Variants in AIRIM observed in about 807,000 individuals in gnomAD.
AIRIM encodes AFG2 interacting ribosome maturation factor.
chr1:37,682,977 C>G, the AIRIM span: 9 of 811,520 alleles, frequency 1.1e-5, no homozygotes, highest in Non-Finnish European at 1.8e-5. Flanking sequence ...AGGCGCTAAT[C>G]CTCCCCAAGA....
the AIRIM span, chr1:37,682,960 GA>G: frequency 1.4e-6 from 1 of 700,592 alleles, no homozygotes; most frequent in Non-Finnish European, 2.4e-6. Flanking sequence ...TCCAAAATCA[GA>G]CATCTAGGCG....
chr1:37,691,932 C>A, the AIRIM span: 36,717 of 152,394 alleles, frequency 0.24, 5,238 homozygotes, highest in East Asian at 0.69. Flanking sequence ...GCGCCCCCCC[C>A]AAAGCCTGCA....
the AIRIM span, chr1:37,689,842 C>G: frequency 1.3e-6 from 2 of 1,595,740 alleles, no homozygotes; most frequent in Admixed American, 3.4e-5. Context: ...ACTTCTTCAG[C>G]GCCTCCTGCA....
chr1:37,690,597 T>A, the AIRIM span: 1 of 629,998 alleles, frequency 1.6e-6, no homozygotes, highest in Non-Finnish European at 2.3e-6. Context: ...CGAAAATATA[T>A]CGTAGTGCCG....
chr1:37,689,756 A>C, the AIRIM span: 1 of 1,613,774 alleles, frequency 6.2e-7, no homozygotes, highest in South Asian at 1.1e-5. Flanking sequence ...CAGGTTGCTG[A>C]GGGAGGACAG....
chr1:37,690,224 A>G, the AIRIM span: 4 of 1,260,244 alleles, frequency 3.2e-6, no homozygotes, highest in Non-Finnish European at 4.2e-6. Context: ...ACCTCAGGTG[A>G]TCCGCCCGCC....
chr1:37,690,015 G>GTTTTTTTTTTTT, the AIRIM span: 1 of 1,244,176 alleles, frequency 8.0e-7, no homozygotes, highest in Non-Finnish European at 1.0e-6. Context: ...CAGAAGCAGG[G>GTTTTTTTTTTTT]TTTTTTTTTT....
At chr1:37,687,009 T>G in the AIRIM span, among the ~76,000 whole-genome samples, 2 of 150,982 alleles carry the variant, frequency 1.3e-5, no homozygotes, top group Non-Finnish European at 2.9e-5. Context: ...TGAGCCAAGT[T>G]CGCGTCACTG....
the AIRIM span, chr1:37,683,220 A>G: frequency 3.1e-6 from 5 of 1,605,352 alleles, no homozygotes; most frequent in Non-Finnish European, 4.3e-6. Flanking sequence ...TAAAACACAC[A>G]GAGGCACAGC....
the AIRIM span, chr1:37,690,035 T>C: frequency 8.5e-6 from 12 of 1,419,018 alleles, no homozygotes; most frequent in South Asian, 9.4e-5. Context: ...TGTTTTTTTT[T>C]CGAGACGGAG....
the AIRIM span, among the ~76,000 whole-genome samples, chr1:37,689,324 C>G: frequency 2.0e-5 from 3 of 152,176 alleles, no homozygotes; most frequent in African/African-American, 4.8e-5. Context: ...CCAAAGAAAA[C>G]TATAGGGCAG....
chr1:37,683,404 G>C, the AIRIM span: 1 of 1,613,966 alleles, frequency 6.2e-7, no homozygotes, highest in Non-Finnish European at 8.5e-7. Flanking sequence ...CTCCCCACTG[G>C]ATAGACGAAA....
At chr1:37,686,045 T>C in the AIRIM span, among the ~76,000 whole-genome samples, 1 of 152,172 alleles carries the variant, frequency 6.6e-6, no homozygotes, top group African/African-American at 2.4e-5. Flanking sequence ...AGCATTCTAC[T>C]TGCCTTTTTC....
chr1:37,681,588 T>C, the AIRIM span: 1 of 152,242 alleles, frequency 6.6e-6, no homozygotes, highest in Non-Finnish European at 1.5e-5. Context: ...AAGTTTTATT[T>C]GCAATACTTA....
the AIRIM span, chr1:37,683,636 A>C: frequency 1.8e-6 from 1 of 554,158 alleles, no homozygotes; most frequent in Non-Finnish European, 3.1e-6. Context: ...ACAGGGAAAG[A>C]GGAATGAAAC....
the AIRIM span, chr1:37,690,510 C>G: frequency 8.4e-7 from 1 of 1,192,438 alleles, no homozygotes; most frequent in African/African-American, 1.6e-5. Context: ...GCACCACGCG[C>G]CCACAGTCTC....
At chr1:37,690,470 C>T in the AIRIM span, 1 of 1,257,326 alleles carries the variant, frequency 8.0e-7, no homozygotes, top group Non-Finnish European at 1.0e-6. Context: ...AAAGTCCAGA[C>T]AGCCAAAGCG....
At chr1:37,683,434 G>T in the AIRIM span, 1 of 1,613,428 alleles carries the variant, frequency 6.2e-7, no homozygotes, top group Non-Finnish European at 8.5e-7. Context: ...TTCTCTTCAG[G>T]TACCTTTCTG....
chr1:37,687,352 G>A, the AIRIM span, among the ~76,000 whole-genome samples: 9 of 151,342 alleles, frequency 5.9e-5, no homozygotes, highest in East Asian at 2.0e-4. Flanking sequence ...GGCTGGTCTC[G>A]AACTCCCGAC....
Sources: gnomAD v4.1 joint callset for allele counts (sites outside exome capture counted in the v4.1 genomes callset) on GRCh38, gnomAD v4.1.1 for gene constraint, MANE v1.5 for transcripts, NCBI Gene and HGNC (gene_info 2026-07-23, HGNC 2026-07-21) for gene names.